Variants in ACTR3C observed in about 807,000 individuals in gnomAD.
ACTR3C encodes actin related protein 3C, also known as actin-related protein 3C.
In ACTR3C, 18 loss-of-function variants were observed where a neutral mutation model predicts 26.3. The ratio of observed to expected loss-of-function variants is 0.68; its 90% CI spans 0.47 to 1.01. The LOEUF is 1.01. ACTR3C is among the 50% of genes least tolerant of loss of function. The pLI, the probability that ACTR3C is intolerant of heterozygous loss-of-function variation, is 0.00. For synonymous variants in ACTR3C, 55 were observed against 94.5 expected (o/e 0.58, Z 2.42); for missense variants, 184 against 250.7 (o/e 0.73, Z 1.80).
intron 1 of ACTR3C, among the ~76,000 whole-genome samples, chr7:150,314,709 G>C (rs1185911153): frequency 6.6e-6 from 1 of 150,620 alleles, no homozygotes; most frequent in Non-Finnish European, 1.5e-5. Flanking sequence ...TGGGAAGGCT[G>C]AGGTGGGTGG....
chr7:150,177,432 A>G, the ACTR3C span, among the ~76,000 whole-genome samples: 2 of 150,742 alleles, frequency 1.3e-5, no homozygotes, highest in African/African-American at 5.0e-5. Flanking sequence ...GTCCTTTTAA[A>G]AGTAAACATT....
At chr7:150,242,343 A>G (rs11489453), downstream of ACTR3C, among the ~76,000 whole-genome samples, 12,788 of 143,964 alleles carry the variant, frequency 0.089, 1,498 homozygotes, top group African/African-American at 0.27. Context: ...TGTACAATCT[A>G]CAGTAGAAAA....
chr7:150,227,847 T>C, the ACTR3C span, among the ~76,000 whole-genome samples: 1 of 151,920 alleles, frequency 6.6e-6, no homozygotes, highest in Non-Finnish European at 1.5e-5. Flanking sequence ...TTCTGTTTCA[T>C]TGACCTATCT....
the ACTR3C span, among the ~76,000 whole-genome samples, chr7:150,063,766 C>T: frequency 6.6e-6 from 1 of 152,160 alleles, no homozygotes; most frequent in East Asian, 1.9e-4. Flanking sequence ...ACCAGGCCCA[C>T]TCACCCACCG....
chr7:150,234,341 C>A, the ACTR3C span, among the ~76,000 whole-genome samples: 1 of 152,160 alleles, frequency 6.6e-6, no homozygotes, highest in African/African-American at 2.4e-5. Flanking sequence ...TGGGATAAGT[C>A]TCTGCTAAAG....
At chr7:150,314,874 C>T (rs1796694732) in intron 1 of ACTR3C, among the ~76,000 whole-genome samples, 1 of 149,788 alleles carries the variant, frequency 6.7e-6, no homozygotes, top group African/African-American at 2.4e-5. Flanking sequence ...CTCACTTGAA[C>T]CCCGGAGGTC....
downstream of ACTR3C, among the ~76,000 whole-genome samples, chr7:150,239,217 A>C (rs989674348): frequency 3.4e-4 from 51 of 150,848 alleles, no homozygotes; most frequent in Non-Finnish European, 7.5e-4. Context: ...TTTCTTTGAA[A>C]ACTCAAATGT....
At chr7:149,990,335 A>C in the ACTR3C span, among the ~76,000 whole-genome samples, 1 of 133,754 alleles carries the variant, frequency 7.5e-6, no homozygotes, top group East Asian at 2.2e-4. Flanking sequence ...ACTGCCTCTT[A>C]CCTCCACAAG....
the ACTR3C span, among the ~76,000 whole-genome samples, chr7:150,066,703 G>A: frequency 6.6e-6 from 1 of 152,170 alleles, no homozygotes; most frequent in African/African-American, 2.4e-5. Context: ...TGTCACCAGG[G>A]CAGAGATATT....
chr7:150,258,877 T>A (rs1423578220), intron 6 of ACTR3C, among the ~76,000 whole-genome samples: 1 of 151,908 alleles, frequency 6.6e-6, no homozygotes, highest in Non-Finnish European at 1.5e-5. Context: ...CACAGATGAA[T>A]AAATAATAGC....
the ACTR3C span, among the ~76,000 whole-genome samples, chr7:150,113,769 A>G: frequency 6.6e-6 from 1 of 152,250 alleles, no homozygotes; most frequent in Non-Finnish European, 1.5e-5. Context: ...TAAACAGTCT[A>G]TGCCTGGCTA....
chr7:149,903,013 C>T, the ACTR3C span, among the ~76,000 whole-genome samples: 6 of 31,088 alleles, frequency 1.9e-4, no homozygotes, highest in African/African-American at 2.9e-4. Context: ...AAAGCTTTGA[C>T]TAAATGTCAA....
chr7:150,020,986 A>G, the ACTR3C span, among the ~76,000 whole-genome samples: 1 of 151,846 alleles, frequency 6.6e-6, no homozygotes, highest in African/African-American at 2.4e-5. Flanking sequence ...GTGCATGGCT[A>G]ATTTTTGTAT....
rs146454244 is a variant in ACTR3C at position 150,255,538 on chromosome 7, A to T, written c.565-6484T>A. ...CACCTACCCACTCCCTTCAGAGTAC[A>T]GAGTCAAGTTCACTGCAAGGGAGCA... On this transcript the variant is annotated intron_variant, in intron 6 of 7. Transcript: ENST00000683684. Among the ~76,000 whole-genome samples the T allele has an allele frequency of 5.4e-3, 820 of 152,240 alleles. 6 individuals carry two copies. Among genetic ancestry groups the T allele is most frequent in the African/African-American group, 0.019 (773 of 41,512 alleles).
chr7:150,242,347 T>C (rs1832236067), downstream of ACTR3C, among the ~76,000 whole-genome samples: 1 of 149,802 alleles, frequency 6.7e-6, no homozygotes, highest in Non-Finnish European at 1.5e-5. Context: ...CAATCTACAG[T>C]AGAAAAAGCA....
the ACTR3C span, among the ~76,000 whole-genome samples, chr7:149,951,452 G>T: frequency 6.8e-6 from 1 of 147,898 alleles, no homozygotes; most frequent in Non-Finnish European, 1.5e-5. Flanking sequence ...TTTCTTTCTT[G>T]GGCTTAGAGT....
chr7:150,148,186 A>G, the ACTR3C span, among the ~76,000 whole-genome samples: 2 of 151,708 alleles, frequency 1.3e-5, no homozygotes, highest in African/African-American at 4.8e-5. Flanking sequence ...AAAAGGGGAA[A>G]AAAAAAAAAA....
chr7:150,081,867 C>T, the ACTR3C span, among the ~76,000 whole-genome samples: 1 of 151,632 alleles, frequency 6.6e-6, no homozygotes, highest in African/African-American at 2.4e-5. Flanking sequence ...CCCTGGGTCT[C>T]TTCTTCTGCA....
the ACTR3C span, among the ~76,000 whole-genome samples, chr7:150,103,880 G>C: frequency 6.6e-6 from 1 of 151,888 alleles, no homozygotes; most frequent in Non-Finnish European, 1.5e-5. Flanking sequence ...CAACCACTCT[G>C]AATATCTATT....
Sources: allele counts gnomAD v4.1 joint callset (sites outside exome capture counted in the v4.1 genomes callset), GRCh38; gene constraint gnomAD v4.1.1; transcripts MANE v1.5; gene names NCBI Gene and HGNC (gene_info 2026-07-23, HGNC 2026-07-21).